Variants in CAPN13 observed in about 807,000 individuals in gnomAD.
CAPN13 encodes the protein calpain 13.
Under a neutral mutation model 98.4 loss-of-function variants are expected in CAPN13, and 90 were observed. The observed-to-expected ratio is 0.92, with a 90% CI of 0.77 to 1.09. The LOEUF (loss-of-function observed/expected upper bound fraction) is 1.09. CAPN13 is among the 50% of genes least tolerant of loss of function. The pLI is 0.00. For missense variants in CAPN13, 887 were observed against 841.3 expected (o/e 1.05, Z -0.67); for synonymous variants, 330 against 305.5 (o/e 1.08, Z -0.84).
At chr2:30,766,701 G>A (rs955047879) in intron 5 of CAPN13, among the ~76,000 whole-genome samples, 3 of 152,272 alleles carry the variant, frequency 2.0e-5, no homozygotes, top group African/African-American at 4.8e-5. Context: ...ATATGAAAGA[G>A]GAAAGAATTC....
At chr2:30,765,432 T>C (rs368502240) in intron 5 of CAPN13, among the ~76,000 whole-genome samples, 27 of 152,328 alleles carry the variant, frequency 1.8e-4, no homozygotes, top group African/African-American at 5.8e-4. Context: ...GGCAGAGCCC[T>C]TCACAGGGTA....
At chr2:30,736,456 C>T (rs763375547) in intron 18 of CAPN13, 47 bp downstream of exon 18, 1 of 1,580,566 alleles carries the variant, frequency 6.3e-7, no homozygotes, top group South Asian at 1.1e-5. Context: ...TAAATCCTTG[C>T]TAACTGGACA....
intron 11 of CAPN13, among the ~76,000 whole-genome samples, chr2:30,748,284 G>C (rs561518868): frequency 1.3e-5 from 2 of 152,194 alleles, no homozygotes; most frequent in Admixed American, 1.3e-4. Flanking sequence ...AGAGGTGAGA[G>C]CTGGAAAATC....
chr2:30,734,747 T>C (rs1384419242), intron 18 of CAPN13, among the ~76,000 whole-genome samples: 2 of 152,164 alleles, frequency 1.3e-5, no homozygotes, highest in East Asian at 3.9e-4. Flanking sequence ...TCCTCTTCTG[T>C]GCCCCCAGAC....
intron 7 of CAPN13, among the ~76,000 whole-genome samples, chr2:30,759,049 TCCTTCCCTCCCTCCCTCCCTCCTCCCTC>T (rs766344317): frequency 0.44 from 24,097 of 55,118 alleles, 2,942 homozygotes; most frequent in African/African-American, 0.47. Context: ...CCTCCTTCCT[TCCTTCCCTCCCTCCCTCCCTCCTCCCTC>T]CCTTCCTCTC....
intron 2 of CAPN13, among the ~76,000 whole-genome samples, chr2:30,783,004 G>A (rs1427171416): frequency 6.6e-6 from 1 of 152,146 alleles, no homozygotes; most frequent in African/African-American, 2.4e-5. Flanking sequence ...TGAACAGTGC[G>A]AGAAGAACAT....
rs748274222 is a variant in CAPN13, at chr2:30,732,575, A to T, written c.1799-9T>A. 5.7e-5 allele frequency: 92 copies of T among 1,604,344 alleles called. No individual in the cohort carries two copies. The highest frequency in any genetic ancestry group is 7.2e-5 in the Non-Finnish European group (85 of 1,176,614). On this transcript the variant is annotated splice_polypyrimidine_tract_variant and intron_variant, in intron 19 of 22. Transcript: ENST00000295055. Reference sequence around the variant, plus strand: ...GATCCCTCTGAGGAAGTCTGGGGCCACAGGTGAACGAGTGAGTGAGAGGAG... The same window carrying T: ...GATCCCTCTGAGGAAGTCTGGGGCCTCAGGTGAACGAGTGAGTGAGAGGAG...
chr2:30,731,296 G>T (rs781112418), intron 21 of CAPN13, 48 bp downstream of exon 21: 6 of 1,533,242 alleles, frequency 3.9e-6, no homozygotes, highest in Non-Finnish European at 5.3e-6. Flanking sequence ...CAAGTCAGGG[G>T]AGGCAGCCTG....
At position 30,802,122 on chromosome 2, in the gene CAPN13, G is replaced by A. The variant is rs150583704; in HGVS notation, c.-33+5180C>T. Among the ~76,000 whole-genome samples the A allele has an allele frequency of 1.1e-4, 16 of 152,330 alleles. No homozygotes were observed. The East Asian group carries it at 2.7e-3, about 26-fold the overall frequency. ...CTCTCAGGCCTGACCTGTGGAGGCT[G>A]CAGAGGCGAGTAGGCTGAGCCCTGG... is the stretch of plus-strand genomic sequence containing the variant. On this transcript the variant is annotated intron_variant, in intron 1 of 22. Coordinates refer to ENST00000295055, the MANE Select transcript of CAPN13 (RefSeq NM_144575.3).
intron 1 of CAPN13, among the ~76,000 whole-genome samples, chr2:30,788,684 T>C (rs186535158): frequency 5.8e-4 from 89 of 152,296 alleles, no homozygotes; most frequent in Admixed American, 1.5e-3. Flanking sequence ...GGAAAGAATA[T>C]GAACTCATAA....
At chr2:30,793,128 T>G (rs1674686231) in intron 1 of CAPN13, among the ~76,000 whole-genome samples, 3 of 151,968 alleles carry the variant, frequency 2.0e-5, no homozygotes, top group South Asian at 4.1e-4. Context: ...TAGTTCTATT[T>G]ACCACTGTTG....
At chr2:30,735,356 G>A (rs1232855455) in intron 18 of CAPN13, among the ~76,000 whole-genome samples, 1 of 152,192 alleles carries the variant, frequency 6.6e-6, no homozygotes, top group Non-Finnish European at 1.5e-5. Context: ...CCAAAGCAAA[G>A]TACCCACACA....
intron 11 of CAPN13, among the ~76,000 whole-genome samples, chr2:30,750,251 A>T (rs909465070): frequency 1.3e-5 from 2 of 152,138 alleles, no homozygotes; most frequent in African/African-American, 4.8e-5. Context: ...TGGGAGCTAA[A>T]TAATAAGAAC....
chr2:30,753,354 T>C (rs1672277257), intron 9 of CAPN13, among the ~76,000 whole-genome samples, 156 bp from the exon 10 acceptor site: 1 of 152,148 alleles, frequency 6.6e-6, no homozygotes, highest in Admixed American at 6.5e-5. Context: ...TTTCAGTCCT[T>C]CTGCTCCAGT....
intron 1 of CAPN13, among the ~76,000 whole-genome samples, chr2:30,803,600 T>C (rs1675424286): frequency 6.6e-6 from 1 of 152,152 alleles, no homozygotes; most frequent in African/African-American, 2.4e-5. Flanking sequence ...GTCCTGGCTG[T>C]CCTCCAGCCC....
chr2:30,738,448 T>G lies in CAPN13; in HGVS notation c.1546A>C (p.Ile516Leu). The change falls in exon 16 of 23, where the codon ATT becomes CTT. Residue 516 changes from isoleucine to leucine, a missense_variant. Physicochemically the swap from Ile to Leu is conservative, Grantham distance 5 (BLOSUM62 2). Coordinates refer to ENST00000295055, the MANE Select transcript of CAPN13 (RefSeq NM_144575.3). ...FNRYAQQRLD[I>L]DATQLQGLLN... ...AGGCCCTGAAGCTGGGTGGCATCAA[T>G]GTCCAGCCTCTGATCCAAACAAGGA... is the stretch of plus-strand genomic sequence containing the variant. The G allele has an allele frequency of 3.1e-6, 5 of 1,604,606 alleles. No individual in the cohort carries two copies. Among genetic ancestry groups the G allele is most frequent in the Non-Finnish European group, 4.3e-6 (5 of 1,175,276 alleles).
intron 7 of CAPN13, among the ~76,000 whole-genome samples, chr2:30,762,559 G>A (rs1672901879): frequency 6.6e-6 from 1 of 152,188 alleles, no homozygotes; most frequent in Non-Finnish European, 1.5e-5. Flanking sequence ...TGGGAGATGA[G>A]GGATCAGAGC....
intron 1 of CAPN13, among the ~76,000 whole-genome samples, chr2:30,793,702 A>C (rs1024997677): frequency 6.6e-6 from 1 of 151,912 alleles, no homozygotes; most frequent in African/African-American, 2.4e-5. Context: ...ACATATTATA[A>C]AGCTACTGTA....
chr2:30,732,669 C>T (rs1433327353), intron 19 of CAPN13, 103 bp from the exon 20 acceptor site: 1 of 1,424,132 alleles, frequency 7.0e-7, no homozygotes, highest in Non-Finnish European at 9.4e-7. Context: ...GGCCACCTCC[C>T]ACCAACTCCT....
Sources: gnomAD v4.1 joint callset for allele counts (sites outside exome capture counted in the v4.1 genomes callset) on GRCh38, gnomAD v4.1.1 for gene constraint, MANE v1.5 for transcripts, NCBI Gene and HGNC (gene_info 2026-07-23, HGNC 2026-07-21) for gene names.